The following ARHGAP26 variants were observed in gnomAD, a reference collection of about 807,000 sequenced individuals.
ARHGAP26 encodes rho GTPase-activating protein 26.
ARHGAP26 carries 38 observed loss-of-function variants against 104.8 expected under a neutral mutation model. That is an observed-to-expected ratio of 0.36 (90% CI 0.28 to 0.48). The LOEUF is 0.48. Ranked by LOEUF, ARHGAP26 falls within the 20% of genes least tolerant of loss-of-function variation. The pLI, the probability that ARHGAP26 is intolerant of heterozygous loss-of-function variation, is 0.99. For synonymous variants in ARHGAP26, 341 were observed against 340.0 expected, an observed-to-expected ratio of 1.00 and a Z score of -0.03; for missense variants, 704 against 947.9, an observed-to-expected ratio of 0.74 and a Z score of 3.38.
chr5:142,771,395 C>A, intron 1 of ARHGAP26: 1 of 1,231,990 alleles, frequency 8.1e-7, no homozygotes, highest in Non-Finnish European at 1.0e-6. Context: ...GACTGCTTCG[C>A]TCCCTGTACG....
intron 1 of ARHGAP26, among the ~76,000 whole-genome samples, chr5:142,854,933 G>GA (rs1752101732): frequency 6.6e-6 from 1 of 151,712 alleles, no homozygotes; most frequent in Non-Finnish European, 1.5e-5. Flanking sequence ...CTGTTCAAAG[G>GA]ACCCCCCAGT....
chr5:142,788,635 A>G (rs1365075002), intron 1 of ARHGAP26, among the ~76,000 whole-genome samples: 2 of 152,346 alleles, frequency 1.3e-5, no homozygotes, highest in Admixed American at 1.3e-4. Flanking sequence ...ACAGTACAAC[A>G]ACTGTTACAG....
chr5:143,165,898 C>T (rs1801868794), intron 20 of ARHGAP26: 1 of 458,396 alleles, frequency 2.2e-6, no homozygotes, highest in Admixed American at 4.7e-5. Context: ...GTAGTAGTAT[C>T]TACCTCCTAG....
chr5:142,780,245 A>G (rs1757227029), intron 1 of ARHGAP26, among the ~76,000 whole-genome samples: 1 of 152,236 alleles, frequency 6.6e-6, no homozygotes, highest in Non-Finnish European at 1.5e-5. Context: ...GTATGTAACC[A>G]TTCCCCTAAT....
At chr5:143,220,320 C>T (rs1426964997) in intron 22 of ARHGAP26, among the ~76,000 whole-genome samples, 2 of 152,120 alleles carry the variant, frequency 1.3e-5, no homozygotes, top group South Asian at 2.1e-4. Flanking sequence ...TTTACTAGGT[C>T]GCTACTAGGA....
At chr5:142,770,990 C>T (rs531095389) in intron 1 of ARHGAP26, 75 bp downstream of exon 1, 2 of 1,488,508 alleles carry the variant, frequency 1.3e-6, no homozygotes, top group Admixed American at 2.0e-5. Flanking sequence ...GCCCGGGTTG[C>T]CCGCGCGTCT....
chr5:142,794,086 G>A (rs781735544), intron 1 of ARHGAP26, among the ~76,000 whole-genome samples: 58 of 152,206 alleles, frequency 3.8e-4, no homozygotes, highest in Non-Finnish European at 5.9e-4. Context: ...AAGGATATCA[G>A]CAGGCCCTGG....
At chr5:142,987,441 A>G (rs887198118) in intron 11 of ARHGAP26, among the ~76,000 whole-genome samples, 6 of 152,224 alleles carry the variant, frequency 3.9e-5, no homozygotes, top group Non-Finnish European at 8.8e-5. Flanking sequence ...TCATCTGCAA[A>G]CAGGGACAAT....
intron 17 of ARHGAP26, among the ~76,000 whole-genome samples, chr5:143,075,426 T>A (rs1379642164): frequency 6.6e-6 from 1 of 151,810 alleles, no homozygotes; most frequent in African/African-American, 2.4e-5. Context: ...TGCTTTTAAG[T>A]TTTTGAGTTT....
intron 12 of ARHGAP26, among the ~76,000 whole-genome samples, chr5:143,035,831 G>C (rs1782549401): frequency 1.3e-5 from 2 of 150,298 alleles, no homozygotes; most frequent in Admixed American, 6.7e-5. Flanking sequence ...AGCTACTAGA[G>C]AAGCTGAGGC....
intron 17 of ARHGAP26, 69 bp from the exon 18 acceptor site, chr5:143,120,919 T>C (rs1796052954): frequency 4.0e-6 from 6 of 1,483,402 alleles, no homozygotes; most frequent in Non-Finnish European, 4.6e-6. Context: ...ATAGGAAGGA[T>C]ACAGGGTGGT....
intron 20 of ARHGAP26, among the ~76,000 whole-genome samples, chr5:143,156,858 A>G (rs1001424457): frequency 6.6e-6 from 1 of 152,244 alleles, no homozygotes; most frequent in African/African-American, 2.4e-5. Context: ...CCAGGGCTGC[A>G]CTTTCCATCT....
intron 20 of ARHGAP26, among the ~76,000 whole-genome samples, chr5:143,176,814 G>A (rs916334424): frequency 2.6e-5 from 4 of 152,100 alleles, no homozygotes; most frequent in Admixed American, 6.5e-5. Context: ...AAAGAGACTC[G>A]GGTGTCTGAT....
chr5:142,898,890 T>C (rs1759876636), intron 6 of ARHGAP26, among the ~76,000 whole-genome samples: 1 of 152,274 alleles, frequency 6.6e-6, no homozygotes, highest in Middle Eastern at 3.4e-3. Flanking sequence ...GTACCACAAA[T>C]TGGGTGTCTT....
At chr5:142,791,837 G>A (rs887049242) in intron 1 of ARHGAP26, among the ~76,000 whole-genome samples, 4 of 150,192 alleles carry the variant, frequency 2.7e-5, no homozygotes, top group Non-Finnish European at 4.4e-5. Context: ...GGTGGCACGC[G>A]CCTGTAGTTC....
At chr5:142,893,079 G>A (rs1263078295) in intron 5 of ARHGAP26, among the ~76,000 whole-genome samples, 1 of 147,794 alleles carries the variant, frequency 6.8e-6, no homozygotes, top group African/African-American at 2.5e-5. Context: ...CCGCCTCCTG[G>A]GTTCAAGTGA....
At chr5:142,792,854 A>T (rs890805875) in intron 1 of ARHGAP26, among the ~76,000 whole-genome samples, 2 of 152,328 alleles carry the variant, frequency 1.3e-5, no homozygotes, top group East Asian at 3.9e-4. Flanking sequence ...TAGTAACATT[A>T]AAGTTCTTTC....
intron 11 of ARHGAP26, among the ~76,000 whole-genome samples, chr5:142,979,093 A>G (rs1019339516): frequency 1.3e-5 from 2 of 152,182 alleles, no homozygotes; most frequent in Non-Finnish European, 2.9e-5. Flanking sequence ...GGAAATCTCA[A>G]TGTGGGCTGC....
intron 1 of ARHGAP26, chr5:142,859,620 C>T (rs1337286418): frequency 6.6e-6 from 1 of 152,186 alleles, no homozygotes; most frequent in Non-Finnish European, 1.5e-5. Flanking sequence ...AGCTCATATG[C>T]ATTTATTTCA....
Sources: allele counts gnomAD v4.1 joint callset (sites outside exome capture counted in the v4.1 genomes callset), GRCh38; gene constraint gnomAD v4.1.1; transcripts MANE v1.5; gene names NCBI Gene and HGNC (gene_info 2026-07-23, HGNC 2026-07-21).